EYS: variants seen among roughly 807,000 people sequenced by gnomAD.
EYS encodes EGF-like photoreceptor maintenance factor.
Under a neutral mutation model 282.1 loss-of-function variants are expected in EYS, and 250 were observed. The observed-to-expected ratio is 0.89, with a 90% CI of 0.80 to 0.98. The LOEUF (loss-of-function observed/expected upper bound fraction) is 0.98, where lower values mean the gene tolerates loss of function less well. Ranked by LOEUF, EYS falls within the 50% of genes least tolerant of loss-of-function variation. The pLI, the probability that EYS is intolerant of heterozygous loss-of-function variation, is 0.00. For missense variants in EYS, 4,016 were observed against 3,709.0 expected (o/e 1.08, Z -2.15); for synonymous variants, 1,355 against 1,282.9 (o/e 1.06, Z -1.20).
chr6:63,937,407 G>A (rs1198784257), intron 35 of EYS, among the ~76,000 whole-genome samples: 2 of 72,426 alleles, frequency 2.8e-5, no homozygotes, highest in Admixed American at 4.1e-4. Context: ...TTGAGACGGA[G>A]TCTCACTTTG....
intron 5 of EYS, among the ~76,000 whole-genome samples, chr6:65,481,183 C>T (rs966475598): frequency 6.6e-6 from 1 of 151,966 alleles, no homozygotes; most frequent in Non-Finnish European, 1.5e-5. Context: ...TGATTTGATC[C>T]TTACATATTG....
chr6:63,842,978 G>T (rs536416754), intron 36 of EYS, among the ~76,000 whole-genome samples: 24 of 152,224 alleles, frequency 1.6e-4, no homozygotes, highest in Admixed American at 1.0e-3. Flanking sequence ...ATCTGTTTTG[G>T]TACCAGTACC....
At chr6:65,314,592 G>A (rs1769251029) in intron 11 of EYS, among the ~76,000 whole-genome samples, 1 of 147,924 alleles carries the variant, frequency 6.8e-6, no homozygotes, top group African/African-American at 2.5e-5. Context: ...GTGTGTGTGT[G>A]TGTGTGTGTG....
intron 35 of EYS, among the ~76,000 whole-genome samples, chr6:63,973,681 TGGTAATTATTA>T (rs1766697293): frequency 6.6e-6 from 1 of 152,170 alleles, no homozygotes; most frequent in African/African-American, 2.4e-5. Flanking sequence ...AGACAACACT[TGGTAATTATTA>T]GGTCAATGGC....
chr6:64,322,881 G>T (rs898594476), intron 29 of EYS, among the ~76,000 whole-genome samples: 7 of 152,044 alleles, frequency 4.6e-5, no homozygotes, highest in African/African-American at 1.4e-4. Context: ...GCACAATTTT[G>T]TCTGTTTCTC....
chr6:65,443,974 A>G (rs1768552286), intron 5 of EYS, among the ~76,000 whole-genome samples: 1 of 151,870 alleles, frequency 6.6e-6, no homozygotes, highest in Non-Finnish European at 1.5e-5. Flanking sequence ...TGGAACAAGT[A>G]ATAATAATAG....
At chr6:64,934,688 G>A (rs1370692910) in intron 15 of EYS, among the ~76,000 whole-genome samples, 2 of 151,712 alleles carry the variant, frequency 1.3e-5, no homozygotes, top group Non-Finnish European at 2.9e-5. Flanking sequence ...AATTAAAGCA[G>A]AAACTAAGAC....
intron 15 of EYS, among the ~76,000 whole-genome samples, chr6:64,925,038 T>G (rs1386002752): frequency 6.6e-6 from 1 of 152,172 alleles, no homozygotes; most frequent in Non-Finnish European, 1.5e-5. Context: ...TAGTTCATTT[T>G]CATGCTGCTG....
intron 41 of EYS, among the ~76,000 whole-genome samples, chr6:63,739,788 C>T (rs1388779740): frequency 1.3e-5 from 2 of 151,734 alleles, no homozygotes; most frequent in Admixed American, 6.6e-5. Flanking sequence ...CTACATCCTG[C>T]GTTCAAGCAA....
At chr6:64,709,467 A>T (rs1423233777) in intron 22 of EYS, among the ~76,000 whole-genome samples, 1 of 152,090 alleles carries the variant, frequency 6.6e-6, no homozygotes, top group Non-Finnish European at 1.5e-5. Context: ...ACATCTATAC[A>T]TTTGCTCATA....
In EYS at chr6:64,547,074, T is replaced by C. The variant is rs1301357860; in HGVS notation, c.5644+43149A>G. ...CGTATTCGGAATTTCTTCCTTCTGG[T>C]GGGTTTGTGGTCTTGCTGGCTCAGG... On this transcript the variant is annotated intron_variant, in intron 26 of 42. Coordinates refer to ENST00000503581, the MANE Select transcript of EYS (RefSeq NM_001142800.2). 2.6e-5 allele frequency among the ~76,000 whole-genome samples: 4 copies of C among 152,108 alleles called. No individual in the cohort carries two copies. In the East Asian group the frequency reaches 7.7e-4, roughly 29 times the overall value.
chr6:63,825,698 G>A (rs1771441899), intron 36 of EYS, among the ~76,000 whole-genome samples: 1 of 152,278 alleles, frequency 6.6e-6, no homozygotes, highest in African/African-American at 2.4e-5. Context: ...TAAAGGGAGA[G>A]TACTACATCA....
At chr6:64,948,559 AT>A (rs1187812198) in intron 14 of EYS, among the ~76,000 whole-genome samples, 1 of 146,398 alleles carries the variant, frequency 6.8e-6, no homozygotes, top group African/African-American at 2.5e-5. Context: ...TAATATTAAT[AT>A]TTAATATTTT....
chr6:63,728,476 G>T (rs1043549950), intron 41 of EYS, among the ~76,000 whole-genome samples: 1 of 152,068 alleles, frequency 6.6e-6, no homozygotes, highest in South Asian at 2.1e-4. Context: ...AAGTATTAGG[G>T]TTTCCATATA....
chr6:65,143,641 G>A (rs998526900), intron 12 of EYS, among the ~76,000 whole-genome samples: 3 of 151,860 alleles, frequency 2.0e-5, no homozygotes, highest in Non-Finnish European at 4.4e-5. Context: ...CTCAATTTAC[G>A]GTTTTGTTAT....
intron 14 of EYS, among the ~76,000 whole-genome samples, chr6:64,961,540 C>T (rs1223128202): frequency 6.6e-6 from 1 of 151,882 alleles, no homozygotes; most frequent in African/African-American, 2.4e-5. Flanking sequence ...TATAATTCCT[C>T]TTCCTCTTTA....
intron 7 of EYS, among the ~76,000 whole-genome samples, chr6:65,388,574 G>T (rs113331170): frequency 6.6e-6 from 1 of 152,072 alleles, no homozygotes; most frequent in Admixed American, 6.6e-5. Context: ...AAATACCAAG[G>T]ATTGAAGCAA....
At chr6:64,562,225 T>G (rs1765419229) in intron 26 of EYS, among the ~76,000 whole-genome samples, 1 of 151,946 alleles carries the variant, frequency 6.6e-6, no homozygotes, top group Non-Finnish European at 1.5e-5. Flanking sequence ...TATCATTATC[T>G]TATTCTTTTC....
intron 29 of EYS, among the ~76,000 whole-genome samples, chr6:64,320,952 C>T (rs1770196691): frequency 6.6e-6 from 1 of 151,618 alleles, no homozygotes; most frequent in African/African-American, 2.4e-5. Flanking sequence ...TTCCACATGG[C>T]TTATAATAAT....
Sources: gnomAD v4.1 joint callset for allele counts (sites outside exome capture counted in the v4.1 genomes callset) on GRCh38, gnomAD v4.1.1 for gene constraint, MANE v1.5 for transcripts, NCBI Gene and HGNC (gene_info 2026-07-23, HGNC 2026-07-21) for gene names.